The following JARID2 variants were observed in gnomAD, a reference collection of about 807,000 sequenced individuals.
JARID2 encodes the protein jumonji and AT-rich interaction domain containing 2.
JARID2 carries 21 observed loss-of-function variants against 125.6 expected under a neutral mutation model. The observed-to-expected ratio is 0.17, with a 90% CI of 0.12 to 0.24. The LOEUF is 0.24. Ranked by LOEUF, JARID2 falls within the 10% of genes least tolerant of loss-of-function variation. The pLI is 1.00. For synonymous variants in JARID2, 736 were observed against 661.6 expected (o/e 1.11, Z -1.73); for missense variants, 1,303 against 1,639.6 (o/e 0.79, Z 3.55).
chr6:15,487,286 T>C, intron 5 of JARID2, 21 bp from the exon 6 acceptor site: 1 of 1,604,246 alleles, frequency 6.2e-7, no homozygotes, highest in South Asian at 1.1e-5. Context: ...ATTTCATTCT[T>C]GTTTTCTCCT....
At chr6:15,390,550 G>A (rs1314391052) in intron 2 of JARID2, among the ~76,000 whole-genome samples, 1 of 152,164 alleles carries the variant, frequency 6.6e-6, no homozygotes, top group African/African-American at 2.4e-5. Context: ...CCTGCTGGCC[G>A]ATTTCTTAGC....
In JARID2 at chr6:15,468,458, C is replaced by T. The variant is rs7764421; in HGVS notation, c.494-84C>T. On this transcript the variant is annotated intron_variant, in intron 4 of 17. Transcript: ENST00000341776. ...GATCAGTTGCTTTGTTTTTTCTCCT[C>T]GGTTTTGTTTCATTGTGGTGTTCCT... 1,916 of 1,239,214 alleles carry T rather than the reference C, an allele frequency of 1.5e-3. 20 individuals are homozygous for T. The African/African-American group carries it at 0.026, about 17-fold the overall frequency. 76.8% of individuals were successfully genotyped at this position (1,239,214 alleles called of 1,614,324 possible).
chr6:15,439,124 A>G (rs944148045), intron 3 of JARID2, among the ~76,000 whole-genome samples: 5 of 151,998 alleles, frequency 3.3e-5, no homozygotes, highest in African/African-American at 1.2e-4. Flanking sequence ...AGTGCCTCTC[A>G]TAGGAAGCAT....
chr6:15,505,847 G>C (rs1770979901), intron 9 of JARID2, among the ~76,000 whole-genome samples: 1 of 152,258 alleles, frequency 6.6e-6, no homozygotes, highest in South Asian at 2.1e-4. Flanking sequence ...GCTGCTTCCA[G>C]AGCACGCGTT....
chr6:15,460,712 G>GT (rs1768405422), intron 4 of JARID2, among the ~76,000 whole-genome samples: 1 of 151,628 alleles, frequency 6.6e-6, no homozygotes, highest in African/African-American at 2.4e-5. Context: ...TTGTTGTTTT[G>GT]TTTTTTGAGA....
At chr6:15,497,477 G>A (rs1199341964) in intron 7 of JARID2, among the ~76,000 whole-genome samples, 2 of 151,988 alleles carry the variant, frequency 1.3e-5, no homozygotes, top group African/African-American at 4.8e-5. Flanking sequence ...GTGAAACCCC[G>A]TCTCTACTAA....
At chr6:15,262,398 A>G (rs999828954) in intron 1 of JARID2, among the ~76,000 whole-genome samples, 1 of 152,090 alleles carries the variant, frequency 6.6e-6, no homozygotes, top group Non-Finnish European at 1.5e-5. Flanking sequence ...TTATGTTTCT[A>G]AAATTCATGC....
chr6:15,247,293 G>A (rs887793420), intron 1 of JARID2, among the ~76,000 whole-genome samples: 1 of 152,178 alleles, frequency 6.6e-6, no homozygotes, highest in African/African-American at 2.4e-5. Flanking sequence ...ATTTCTCCCT[G>A]TTAACTGGGC....
At chr6:15,374,686 C>T (rs1581472364) in intron 2 of JARID2, among the ~76,000 whole-genome samples, 1 of 152,302 alleles carries the variant, frequency 6.6e-6, no homozygotes, top group East Asian at 1.9e-4. Context: ...CCTTGCTGGG[C>T]AGGTTCCTGC....
chr6:15,436,985 G>A (rs535361123), intron 3 of JARID2, among the ~76,000 whole-genome samples: 2 of 152,054 alleles, frequency 1.3e-5, no homozygotes, highest in African/African-American at 4.8e-5. Context: ...AACCCTCCCA[G>A]CATATCCAGG....
intron 1 of JARID2, among the ~76,000 whole-genome samples, chr6:15,337,289 TA>T (rs1762909602): frequency 1.3e-5 from 2 of 152,142 alleles, no homozygotes; most frequent in Admixed American, 6.5e-5. Context: ...TATTACTAAG[TA>T]AAATGAGCAT....
At chr6:15,500,396 A>G (rs1295559792) in intron 7 of JARID2, among the ~76,000 whole-genome samples, 2 of 152,228 alleles carry the variant, frequency 1.3e-5, no homozygotes, top group South Asian at 2.1e-4. Flanking sequence ...TGAGTGAGTG[A>G]GTGGGTGGGC....
chr6:15,380,029 T>TC (rs397733010), intron 2 of JARID2, among the ~76,000 whole-genome samples: 1 of 150,814 alleles, frequency 6.6e-6, no homozygotes, highest in African/African-American at 2.4e-5. Context: ...TTTTTTTTTT[T>TC]GGTCGGGGGC....
intron 1 of JARID2, among the ~76,000 whole-genome samples, chr6:15,274,726 C>G (rs919435002): frequency 2.2e-4 from 34 of 152,144 alleles, no homozygotes; most frequent in Admixed American, 1.7e-3. Flanking sequence ...TGGTGGTGAT[C>G]CTGGGCACCT....
intron 3 of JARID2, among the ~76,000 whole-genome samples, chr6:15,413,002 GTTTTTGTTT>G (rs1170233598): frequency 4.3e-5 from 2 of 46,532 alleles, no homozygotes; most frequent in African/African-American, 9.3e-5. Context: ...AAGAGCTTGT[GTTTTTGTTT>G]TTTTTTTTTT....
At chr6:15,320,980 A>G (rs1762336242) in intron 1 of JARID2, among the ~76,000 whole-genome samples, 1 of 152,058 alleles carries the variant, frequency 6.6e-6, no homozygotes, top group African/African-American at 2.4e-5. Flanking sequence ...ATGAAATGTT[A>G]GAATTCAAAT....
intron 1 of JARID2, among the ~76,000 whole-genome samples, chr6:15,332,168 A>C (rs761955627): frequency 6.6e-6 from 1 of 152,238 alleles, no homozygotes; most frequent in Non-Finnish European, 1.5e-5. Flanking sequence ...AAATTCCGAC[A>C]AAGAATTAGA....
chr6:15,390,411 C>T (rs1207062957), intron 2 of JARID2, among the ~76,000 whole-genome samples: 1 of 152,178 alleles, frequency 6.6e-6, no homozygotes, highest in Non-Finnish European at 1.5e-5. Flanking sequence ...TCCTTCTTAG[C>T]TCTGTCCACG....
At chr6:15,256,411 G>A (rs993250506) in intron 1 of JARID2, among the ~76,000 whole-genome samples, 2 of 152,196 alleles carry the variant, frequency 1.3e-5, no homozygotes, top group African/African-American at 4.8e-5. Context: ...TGAGAATTAA[G>A]ACTGGAGTGG....
Sources: allele counts gnomAD v4.1 joint callset (sites outside exome capture counted in the v4.1 genomes callset), GRCh38; gene constraint gnomAD v4.1.1; transcripts MANE v1.5; gene names NCBI Gene and HGNC (gene_info 2026-07-23, HGNC 2026-07-21).